HORMAD2: variants seen among roughly 807,000 people sequenced by gnomAD.
HORMAD2 encodes the protein HORMA domain-containing protein 2.
HORMAD2 carries 45 observed loss-of-function variants against 38.8 expected under a neutral mutation model. The ratio of observed to expected loss-of-function variants is 1.16; its 90% CI spans 0.91 to 1.49. The LOEUF is 1.49. Ranked by LOEUF, HORMAD2 falls within the 40% of genes most tolerant of loss-of-function variation. The pLI, the probability that HORMAD2 is intolerant of heterozygous loss-of-function variation, is 0.00. For synonymous variants in HORMAD2, 126 were observed against 122.8 expected (o/e 1.03, Z -0.17); for missense variants, 338 against 367.0 (o/e 0.92, Z 0.65).
chr22:30,125,341 G>A (rs986210743), intron 10 of HORMAD2, among the ~76,000 whole-genome samples: 5 of 142,914 alleles, frequency 3.5e-5, no homozygotes, highest in South Asian at 2.3e-4. Context: ...TGATTCTCCC[G>A]CCTCAGCCTC....
intron 6 of HORMAD2, 76 bp downstream of exon 6, chr22:30,111,892 G>GTAC (rs1921690711): frequency 9.0e-7 from 1 of 1,113,712 alleles, no homozygotes; most frequent in Non-Finnish European, 1.3e-6. Context: ...CATTAAAACA[G>GTAC]TACTCTCCCT....
rs1474018835 is a variant in HORMAD2 at position 30,110,388 on chromosome 22, T to C, written c.295-1408T>C. Among the ~76,000 whole-genome samples, 3 of 147,754 alleles carry C rather than the reference T, an allele frequency of 2.0e-5. No individual in the cohort carries two copies. In the East Asian group the frequency reaches 5.9e-4, roughly 29 times the overall value. ...TATCGAATTGTGAGCATATACTTTT[T>C]TTTTTTTTTTTTTTTGAGATGGAAT... On this transcript the variant is annotated intron_variant, in intron 5 of 10. Transcript: ENST00000336726.
downstream of HORMAD2, among the ~76,000 whole-genome samples, chr22:30,179,123 C>T (rs559702874): frequency 2.0e-5 from 3 of 152,230 alleles, no homozygotes; most frequent in East Asian, 1.9e-4. Context: ...TTAAAATTGT[C>T]AATTTATGGT....
At chr22:30,132,505 A>G (rs1601554721) in intron 10 of HORMAD2, among the ~76,000 whole-genome samples, 2 of 150,968 alleles carry the variant, frequency 1.3e-5, no homozygotes, top group South Asian at 4.2e-4. Flanking sequence ...AGGCTACTGC[A>G]CTCCAGCCTG....
chr22:30,108,351 G>A (rs1361218427), intron 5 of HORMAD2, among the ~76,000 whole-genome samples: 4 of 152,010 alleles, frequency 2.6e-5, no homozygotes, highest in African/African-American at 7.3e-5. Context: ...GGTCTGCAAG[G>A]CCTGTATGAT....
intron 10 of HORMAD2, among the ~76,000 whole-genome samples, chr22:30,149,317 A>G (rs1306450892): frequency 6.6e-6 from 1 of 152,240 alleles, no homozygotes; most frequent in African/African-American, 2.4e-5. Flanking sequence ...GCCACTAACC[A>G]CATGGCTACT....
intron 1 of HORMAD2, among the ~76,000 whole-genome samples, chr22:30,089,478 G>T (rs903687154): frequency 6.6e-6 from 1 of 151,554 alleles, no homozygotes; most frequent in Non-Finnish European, 1.5e-5. Flanking sequence ...TCAGCCTCCT[G>T]AGTAGCTGGG....
intron 10 of HORMAD2, among the ~76,000 whole-genome samples, chr22:30,127,635 G>A (rs374493378): frequency 1.3e-5 from 2 of 152,264 alleles, no homozygotes; most frequent in Middle Eastern, 3.4e-3. Context: ...GAGCCATCAC[G>A]CCTGGCACAT....
intron 1 of HORMAD2, among the ~76,000 whole-genome samples, chr22:30,082,146 C>T (rs984551919): frequency 2.6e-5 from 4 of 152,142 alleles, no homozygotes; most frequent in South Asian, 2.1e-4. Context: ...TTTATGTTAA[C>T]GTACACTTCT....
the HORMAD2 span, among the ~76,000 whole-genome samples, chr22:30,193,528 G>C: frequency 6.6e-6 from 1 of 152,194 alleles, no homozygotes; most frequent in Non-Finnish European, 1.5e-5. Flanking sequence ...TCATGAAGTG[G>C]TCAGGGCAGG....
intron 5 of HORMAD2, among the ~76,000 whole-genome samples, chr22:30,108,474 A>C: frequency 6.6e-6 from 1 of 152,100 alleles, no homozygotes; most frequent in South Asian, 2.1e-4. Flanking sequence ...CTTGCCTGGA[A>C]ACTTCTCTCC....
At chr22:30,170,305 T>A (rs1926030981) in intron 10 of HORMAD2, among the ~76,000 whole-genome samples, 1 of 152,174 alleles carries the variant, frequency 6.6e-6, no homozygotes, top group Non-Finnish European at 1.5e-5. Flanking sequence ...CCTGGCTGCC[T>A]GGGGCTGCCC....
the HORMAD2 span, among the ~76,000 whole-genome samples, chr22:30,197,555 ATCT>A: frequency 2.0e-5 from 3 of 152,108 alleles, no homozygotes; most frequent in Admixed American, 2.0e-4. Flanking sequence ...AACCCTCTCA[ATCT>A]TCTTCTGATG....
chr22:30,094,016 A>G lies in HORMAD2; in HGVS notation c.51+13A>G, dbSNP rs1044239739. The G allele has an allele frequency of 5.1e-6, 8 of 1,575,982 alleles. No homozygotes were observed. The highest frequency in any genetic ancestry group is 6.1e-6 in the Non-Finnish European group (7 of 1,151,906). The stretch of plus-strand genomic sequence containing the variant: ...CAAGGCTTCTAAGGTATTTGTTAAG[A>G]ATTAAAAGAAAATCAATGACCATTT... On this transcript the variant is annotated intron_variant, in intron 2 of 10. Coordinates refer to ENST00000336726, the MANE Select transcript of HORMAD2 (RefSeq NM_152510.4).
At chr22:30,175,214 T>G in intron 10 of HORMAD2, among the ~76,000 whole-genome samples, 1 of 142,874 alleles carries the variant, frequency 7.0e-6, no homozygotes, top group East Asian at 2.0e-4. Flanking sequence ...ATATATATAT[T>G]ATATATTATA....
At chr22:30,144,273 C>T (rs921059257) in intron 10 of HORMAD2, among the ~76,000 whole-genome samples, 11 of 152,170 alleles carry the variant, frequency 7.2e-5, no homozygotes, top group Non-Finnish European at 1.0e-4. Flanking sequence ...TACTGAGGTT[C>T]CAGTGTTTGA....
the HORMAD2 span, among the ~76,000 whole-genome samples, chr22:30,201,329 G>T: frequency 6.6e-6 from 1 of 150,858 alleles, no homozygotes; most frequent in Non-Finnish European, 1.5e-5. Context: ...CTCTCCTCCA[G>T]TATAACCTCA....
At chr22:30,134,850 G>A (rs1044030917) in intron 10 of HORMAD2, among the ~76,000 whole-genome samples, 3 of 152,026 alleles carry the variant, frequency 2.0e-5, no homozygotes, top group African/African-American at 7.3e-5. Flanking sequence ...ATTCAAAATT[G>A]ATTAGAGGAA....
At chr22:30,105,423 A>G (rs1274044590) in intron 5 of HORMAD2, 1 of 153,674 alleles carries the variant, frequency 6.5e-6, no homozygotes, top group Non-Finnish European at 1.5e-5. Flanking sequence ...GCTGCTCTCC[A>G]GTGACAGCCA....
Sources: allele counts gnomAD v4.1 joint callset (sites outside exome capture counted in the v4.1 genomes callset), GRCh38; gene constraint gnomAD v4.1.1; transcripts MANE v1.5; gene names NCBI Gene and HGNC (gene_info 2026-07-23, HGNC 2026-07-21).